The following ATRNL1 variants were observed in gnomAD, a reference collection of about 807,000 sequenced individuals.
ATRNL1 encodes attractin like 1, also known as attractin-like protein 1.
Under a neutral mutation model 182.7 loss-of-function variants are expected in ATRNL1, and 95 were observed. The observed-to-expected ratio is 0.52, with a 90% CI of 0.44 to 0.62. The LOEUF (loss-of-function observed/expected upper bound fraction) is 0.62, where lower values mean the gene tolerates loss of function less well. Ranked by LOEUF, ATRNL1 falls within the 20% of genes least tolerant of loss-of-function variation. The probability of loss-of-function intolerance (pLI) is 0.00; values close to 1 mark genes in which losing one functional copy is unlikely to be tolerated. For missense variants in ATRNL1, 1,471 were observed against 1,679.5 expected, an observed-to-expected ratio of 0.88 and a Z score of 2.17; for synonymous variants, 576 against 568.3, an observed-to-expected ratio of 1.01 and a Z score of -0.19.
chr10:115,738,597 A>T (rs1236324652), intron 27 of ATRNL1, among the ~76,000 whole-genome samples: 1 of 152,188 alleles, frequency 6.6e-6, no homozygotes, highest in Non-Finnish European at 1.5e-5. Flanking sequence ...TCTTCACCAA[A>T]ACCATTTAGC....
At chr10:115,612,420 AT>A (rs1473852045) in intron 26 of ATRNL1, among the ~76,000 whole-genome samples, 1 of 152,246 alleles carries the variant, frequency 6.6e-6, no homozygotes, top group Non-Finnish European at 1.5e-5. Context: ...AAAGATACTC[AT>A]TCTATTCTGG....
intron 15 of ATRNL1, among the ~76,000 whole-genome samples, chr10:115,293,332 G>A (rs1853012715): frequency 6.6e-6 from 1 of 151,976 alleles, no homozygotes; most frequent in South Asian, 2.1e-4. Flanking sequence ...TCTTAAGTAA[G>A]GGAATTCATT....
At chr10:115,411,176 C>G (rs1447198047) in intron 20 of ATRNL1, among the ~76,000 whole-genome samples, 2 of 150,674 alleles carry the variant, frequency 1.3e-5, no homozygotes, top group East Asian at 1.9e-4. Context: ...TGTATCTTGA[C>G]AAGGTATATG....
intron 26 of ATRNL1, among the ~76,000 whole-genome samples, chr10:115,571,515 A>G (rs1039033788): frequency 5.9e-5 from 9 of 152,074 alleles, no homozygotes; most frequent in Non-Finnish European, 1.0e-4. Context: ...ACCCATCCAG[A>G]CACTACTACT....
At chr10:115,545,817 G>A (rs1441090966) in intron 25 of ATRNL1, among the ~76,000 whole-genome samples, 1 of 152,164 alleles carries the variant, frequency 6.6e-6, no homozygotes, top group South Asian at 2.1e-4. Context: ...ACAGGATCTG[G>A]TATCTGGATG....
At position 115,349,099 on chromosome 10, in the gene ATRNL1, A is replaced by G. The variant is rs12253497; in HGVS notation, c.3175+14680A>G. The stretch of plus-strand genomic sequence containing the variant: ...ATTTTTATACCCATTAACCATTTCT[A>G]TTTATCCTCATCTCCTCACTAGTGT... On this transcript the variant is annotated intron_variant, in intron 19 of 28. Transcript: ENST00000355044. Among the ~76,000 whole-genome samples, 168 of 152,174 alleles carry G rather than the reference A, an allele frequency of 1.1e-3. 1 individual carries two copies. The highest frequency in any genetic ancestry group is 2.1e-3 in the Non-Finnish European group (140 of 67,976).
chr10:115,547,641 G>A (rs1364495651), intron 25 of ATRNL1, among the ~76,000 whole-genome samples: 7 of 152,090 alleles, frequency 4.6e-5, no homozygotes, highest in African/African-American at 1.7e-4. Context: ...AATTTGGAAT[G>A]TAACCTATAT....
At position 115,121,661 on chromosome 10, in the gene ATRNL1, A is replaced by T. The variant is rs114463197; in HGVS notation, c.378-38A>T. 9.2e-4 allele frequency: 835 copies of T among 904,266 alleles called. 4 individuals carry two copies. Among genetic ancestry groups the T allele is most frequent in the Non-Finnish European group, 1.2e-3 (721 of 593,262 alleles). 56.0% of individuals were successfully genotyped at this position (904,266 alleles called of 1,614,324 possible). On this transcript the variant is annotated intron_variant, in intron 2 of 28. Transcript: ENST00000355044. ...TGTATTTATTCACTCTGTGCTTTGT[A>T]TATTTTAATTTGAAAAATATTTCAT...
intron 27 of ATRNL1, among the ~76,000 whole-genome samples, chr10:115,777,017 T>C (rs1949144351): frequency 1.3e-5 from 2 of 152,162 alleles, no homozygotes; most frequent in East Asian, 3.9e-4. Context: ...AAGGATGAAA[T>C]GTACTGATGT....
intron 28 of ATRNL1, among the ~76,000 whole-genome samples, chr10:115,888,493 G>T (rs572098199): frequency 6.6e-6 from 1 of 152,150 alleles, no homozygotes; most frequent in Non-Finnish European, 1.5e-5. Context: ...CAGATGGAAT[G>T]CCCTTCTCCT....
At chr10:115,548,016 G>A (rs1852764286) in intron 25 of ATRNL1, among the ~76,000 whole-genome samples, 1 of 152,154 alleles carries the variant, frequency 6.6e-6, no homozygotes, top group Non-Finnish European at 1.5e-5. Flanking sequence ...TTATGGGATG[G>A]ATAGTGGGCA....
chr10:115,269,696 A>G (rs187119352), intron 13 of ATRNL1, among the ~76,000 whole-genome samples: 2,011 of 152,282 alleles, frequency 0.013, 18 homozygotes, highest in Admixed American at 0.021. Context: ...CATATTTCCA[A>G]CTGAATATAA....
chr10:115,772,187 TAA>T (rs1949010191), intron 27 of ATRNL1, among the ~76,000 whole-genome samples: 1 of 152,232 alleles, frequency 6.6e-6, no homozygotes, highest in African/African-American at 2.4e-5. Context: ...ACAATTTGTG[TAA>T]AATCCTCTCT....
intron 24 of ATRNL1, among the ~76,000 whole-genome samples, chr10:115,497,482 CTT>C (rs1849606254): frequency 6.6e-6 from 1 of 152,038 alleles, no homozygotes; most frequent in African/African-American, 2.4e-5. Flanking sequence ...CTGTCTCACT[CTT>C]TTCTGTTCTC....
intron 15 of ATRNL1, among the ~76,000 whole-genome samples, chr10:115,299,101 A>G (rs782702237): frequency 3.3e-5 from 5 of 151,832 alleles, no homozygotes; most frequent in Non-Finnish European, 7.4e-5. Context: ...AAAAAGAACA[A>G]TGTGGAGTTT....
intron 26 of ATRNL1, among the ~76,000 whole-genome samples, chr10:115,576,555 A>G (rs562620515): frequency 6.6e-6 from 1 of 152,050 alleles, no homozygotes; most frequent in African/African-American, 2.4e-5. Flanking sequence ...GTCTATTTAC[A>G]TTCTTTCCCC....
intron 27 of ATRNL1, among the ~76,000 whole-genome samples, chr10:115,775,365 T>C (rs1198668851): frequency 6.6e-6 from 1 of 152,222 alleles, no homozygotes; most frequent in Non-Finnish European, 1.5e-5. Context: ...TAAACTTCAA[T>C]TTATTGTATA....
chr10:115,630,222 C>A (rs1431969138), intron 26 of ATRNL1, among the ~76,000 whole-genome samples: 2 of 151,666 alleles, frequency 1.3e-5, no homozygotes, highest in Non-Finnish European at 2.9e-5. Flanking sequence ...GGCATTTTCC[C>A]AAAGAAAACA....
intron 25 of ATRNL1, among the ~76,000 whole-genome samples, chr10:115,541,597 G>T (rs1565149543): frequency 6.6e-6 from 1 of 152,018 alleles, no homozygotes; most frequent in Non-Finnish European, 1.5e-5. Flanking sequence ...CCCAAACTGG[G>T]AATAATCAAA....
Sources: allele counts gnomAD v4.1 joint callset (sites outside exome capture counted in the v4.1 genomes callset), GRCh38; gene constraint gnomAD v4.1.1; transcripts MANE v1.5; gene names NCBI Gene and HGNC (gene_info 2026-07-23, HGNC 2026-07-21).